Variants in PCDH15 observed in about 807,000 individuals in gnomAD.
PCDH15 encodes the protein protocadherin-15.
In PCDH15, 129 loss-of-function variants were observed where a neutral mutation model predicts 178.5. The observed-to-expected ratio is 0.72, with a 90% CI of 0.63 to 0.84. PCDH15 has a LOEUF of 0.84. Among genes scored for constraint, PCDH15 ranks in the 40% least tolerant of loss-of-function variants. PCDH15 has a pLI of 0.00. For missense variants in PCDH15, 2,230 were observed against 2,099.9 expected (o/e 1.06, Z -1.21); for synonymous variants, 800 against 732.0 (o/e 1.09, Z -1.50).
chr10:53,864,833 T>C (rs758208566), intron 27 of PCDH15, among the ~76,000 whole-genome samples: 3 of 151,974 alleles, frequency 2.0e-5, no homozygotes, highest in Non-Finnish European at 4.4e-5. Context: ...AAATGCCCAC[T>C]TTCCTTGCTT....
rs55793083 is a variant in PCDH15, at chr10:53,866,446, A to AAT, written c.3717+194_3717+195dup. Among the ~76,000 whole-genome samples the AAT allele has an allele frequency of 0.28, 41,450 of 145,612 alleles. 7,081 individuals are homozygous for AAT. Among genetic ancestry groups the AAT allele is most frequent in the Middle Eastern group, 0.53 (147 of 276 alleles). ...ATAAACACCTTACGGTGTTTTTGTAAATATATATATATATATATATATGAA... is the reference window on the plus strand; with the variant it reads ...ATAAACACCTTACGGTGTTTTTGTAAATATATATATATATATATATATATGAA... On this transcript the variant is annotated intron_variant, in intron 27 of 37. Transcript: ENST00000644397.
chr10:53,806,639 A>G lies in PCDH15; in HGVS notation c.5163T>C (p.Asp1721=). 6.2e-7 allele frequency: 1 copy of G among 1,613,834 alleles called. No individual in the cohort carries two copies. ...AGGGGCCCATCCAAAGCTCTTCATC[A>G]TCAGACTGTGTGTGGTCACTATGAA... The part of the protein sequence containing the change: ...LEFHSDHTQS[D]DEELWMGPWN... The change falls in exon 38 of 38, where the codon GAT becomes GAC. Residue 1721 remains aspartate, a synonymous_variant. Coordinates refer to ENST00000644397, the MANE Select transcript of PCDH15 (RefSeq NM_001384140.1).
intron 2 of PCDH15, among the ~76,000 whole-genome samples, chr10:55,460,740 G>C (rs112099034): frequency 1.5e-3 from 228 of 152,186 alleles, no homozygotes; most frequent in African/African-American, 5.2e-3. Flanking sequence ...TGGGTCATAT[G>C]TTCCTGCCTC....
intron 2 of PCDH15, among the ~76,000 whole-genome samples, chr10:55,156,344 C>A (rs554631570): frequency 6.6e-6 from 1 of 152,226 alleles, no homozygotes; most frequent in African/African-American, 2.4e-5. Context: ...GAGGATATTA[C>A]ATGTACTGAT....
intron 11 of PCDH15, among the ~76,000 whole-genome samples, chr10:54,188,138 G>A (rs538876867): frequency 2.6e-5 from 4 of 151,976 alleles, no homozygotes; most frequent in African/African-American, 9.6e-5. Flanking sequence ...AAGAAACAAT[G>A]TGCATTTGAA....
intron 2 of PCDH15, among the ~76,000 whole-genome samples, chr10:55,509,282 G>A (rs1339960343): frequency 2.0e-5 from 3 of 151,678 alleles, no homozygotes; most frequent in South Asian, 2.1e-4. Context: ...AGTGTTGAAA[G>A]GTGAAGACTG....
chr10:55,243,597 T>C (rs1841610715), intron 1 of PCDH15, among the ~76,000 whole-genome samples: 1 of 152,188 alleles, frequency 6.6e-6, no homozygotes, highest in Admixed American at 6.5e-5. Flanking sequence ...ATCTACTCAG[T>C]AGGAACCAGT....
At chr10:54,092,585 G>C (rs1046040958) in intron 15 of PCDH15, among the ~76,000 whole-genome samples, 1 of 151,950 alleles carries the variant, frequency 6.6e-6, no homozygotes, top group Non-Finnish European at 1.5e-5. Context: ...ATTTCATTGA[G>C]TTAGTCATAA....
At chr10:55,359,994 A>T (rs1845189714) in intron 2 of PCDH15, among the ~76,000 whole-genome samples, 1 of 151,788 alleles carries the variant, frequency 6.6e-6, no homozygotes, top group Non-Finnish European at 1.5e-5. Context: ...GAATATAGGA[A>T]AGGAATGAAG....
At chr10:54,542,799 G>C (rs191357946) in intron 2 of PCDH15, among the ~76,000 whole-genome samples, 151 of 152,272 alleles carry the variant, frequency 9.9e-4, no homozygotes, top group African/African-American at 3.6e-3. Flanking sequence ...CCTGGCTAGG[G>C]CTCCATAGGT....
intron 1 of PCDH15, among the ~76,000 whole-genome samples, chr10:54,743,216 C>G (rs1217738980): frequency 6.6e-6 from 1 of 151,886 alleles, no homozygotes; most frequent in Non-Finnish European, 1.5e-5. Context: ...TTATTAAGTT[C>G]TTATATATAA....
chr10:54,092,907 A>AT (rs1315421488), intron 15 of PCDH15, among the ~76,000 whole-genome samples: 1 of 151,924 alleles, frequency 6.6e-6, no homozygotes, highest in Admixed American at 6.6e-5. Context: ...TGCTGTTTTA[A>AT]TTTTTTTCTT....
intron 8 of PCDH15, among the ~76,000 whole-genome samples, chr10:54,275,648 T>C (rs2058311146): frequency 6.6e-6 from 1 of 151,702 alleles, no homozygotes; most frequent in African/African-American, 2.4e-5. Flanking sequence ...ACTAAAAAAA[T>C]GTGCAAGCCA....
chr10:54,084,147 A>G (rs141096629), intron 16 of PCDH15, among the ~76,000 whole-genome samples: 4,008 of 151,126 alleles, frequency 0.027, 178 homozygotes, highest in African/African-American at 0.089. Context: ...GAGCAATGGC[A>G]TGATCTCCGC....
chr10:53,914,437 A>C (rs560829334), intron 25 of PCDH15, among the ~76,000 whole-genome samples: 3 of 152,342 alleles, frequency 2.0e-5, no homozygotes, highest in African/African-American at 7.2e-5. Flanking sequence ...TGCAGCCATA[A>C]AAAATGATGA....
At chr10:55,432,117 C>CACA (rs1565132647) in intron 2 of PCDH15, among the ~76,000 whole-genome samples, 141 of 99,544 alleles carry the variant, frequency 1.4e-3, no homozygotes, top group African/African-American at 4.3e-3. Flanking sequence ...ACACACACCA[C>CACA]AAGTCTCTCC....
intron 2 of PCDH15, among the ~76,000 whole-genome samples, chr10:54,985,241 T>C (rs562813760): frequency 6.6e-6 from 1 of 152,302 alleles, no homozygotes; most frequent in African/African-American, 2.4e-5. Flanking sequence ...TTTGTGAATC[T>C]TAGTAAACTT....
intron 25 of PCDH15, among the ~76,000 whole-genome samples, chr10:53,913,178 C>G (rs1564751922): frequency 6.6e-6 from 1 of 152,094 alleles, no homozygotes; most frequent in African/African-American, 2.4e-5. Flanking sequence ...CTGACAGAAA[C>G]AAGAAATGGG....
At chr10:54,993,177 T>A (rs1839546751) in intron 2 of PCDH15, among the ~76,000 whole-genome samples, 1 of 151,770 alleles carries the variant, frequency 6.6e-6, no homozygotes, top group Non-Finnish European at 1.5e-5. Context: ...AATATGGGGG[T>A]CGATGAGGGA....
Sources: gnomAD v4.1 joint callset for allele counts (sites outside exome capture counted in the v4.1 genomes callset) on GRCh38, gnomAD v4.1.1 for gene constraint, MANE v1.5 for transcripts, NCBI Gene and HGNC (gene_info 2026-07-23, HGNC 2026-07-21) for gene names.